Variants in CDH2 observed in about 807,000 individuals in gnomAD.
The protein encoded by CDH2 is cadherin-2.
Under a neutral mutation model 92.0 loss-of-function variants are expected in CDH2, and 17 were observed. That is an observed-to-expected ratio of 0.18 (90% confidence interval 0.13 to 0.28). The LOEUF (loss-of-function observed/expected upper bound fraction) is 0.28. Among genes scored for constraint, CDH2 ranks in the 10% least tolerant of loss-of-function variants. The probability of loss-of-function intolerance (pLI) is 1.00; values close to 1 mark genes in which losing one functional copy is unlikely to be tolerated. For missense variants in CDH2, 862 were observed against 1,133.1 expected (o/e 0.76, Z 3.44); for synonymous variants, 419 against 415.9 (o/e 1.01, Z -0.09).
intron 2 of CDH2, among the ~76,000 whole-genome samples, chr18:28,036,163 CTT>C (rs1403771128): frequency 1.3e-5 from 2 of 152,056 alleles, no homozygotes; most frequent in East Asian, 1.9e-4. Context: ...AAATGTATCT[CTT>C]GTTTTGAAAT....
At chr18:28,146,789 T>C (rs540784317) in intron 2 of CDH2, 2 of 152,148 alleles carry the variant, frequency 1.3e-5, no homozygotes, top group East Asian at 3.9e-4. Flanking sequence ...GTTACGCAGA[T>C]TTTCTAAAAG....
intron 14 of CDH2, among the ~76,000 whole-genome samples, chr18:27,968,565 A>G (rs1243847125): frequency 6.6e-6 from 1 of 152,186 alleles, no homozygotes; most frequent in Non-Finnish European, 1.5e-5. Flanking sequence ...TAGGTCAAAT[A>G]AGAGTCTGAC....
chr18:28,014,109 C>A (rs925507674), intron 2 of CDH2, among the ~76,000 whole-genome samples, 200 bp from the exon 3 acceptor site: 8 of 151,922 alleles, frequency 5.3e-5, no homozygotes, highest in African/African-American at 1.9e-4. Flanking sequence ...TGAGCTGTGC[C>A]CTAGCATTTC....
intron 2 of CDH2, among the ~76,000 whole-genome samples, chr18:28,118,343 C>T (rs2015530120): frequency 6.6e-6 from 1 of 152,078 alleles, no homozygotes; most frequent in Admixed American, 6.6e-5. Context: ...CAAAGTGCTC[C>T]ATCTTCTATT....
chr18:28,169,891 T>C lies in CDH2; in HGVS notation c.60+7072A>G, dbSNP rs2016438970. ...GTGGGTACACTAGAACTCTCATTCA[T>C]ATACTAAATGTTCTTCTGTATCTCC... On this transcript the variant is annotated intron_variant, in intron 1 of 15. Transcript: ENST00000269141. Among the ~76,000 whole-genome samples the C allele has an allele frequency of 2.6e-5, 4 of 152,252 alleles. No individual in the cohort carries two copies. In the South Asian group the frequency reaches 6.2e-4, roughly 24 times the overall value.
At chr18:28,039,378 T>G (rs746601031) in intron 2 of CDH2, among the ~76,000 whole-genome samples, 39 of 152,112 alleles carry the variant, frequency 2.6e-4, no homozygotes, top group Non-Finnish European at 4.7e-4. Flanking sequence ...CAGTCTTCTC[T>G]TGGACTTGGG....
chr18:27,946,422 G>T (rs918497667), downstream of CDH2, among the ~76,000 whole-genome samples: 4 of 152,048 alleles, frequency 2.6e-5, no homozygotes, highest in African/African-American at 4.8e-5. Context: ...ATTTTCTATT[G>T]ATACATTTTT....
intron 2 of CDH2, among the ~76,000 whole-genome samples, chr18:28,072,005 G>A (rs901736447): frequency 6.6e-6 from 1 of 152,104 alleles, no homozygotes; most frequent in African/African-American, 2.4e-5. Context: ...GACAGCTTAA[G>A]CCTAATTACT....
chr18:28,093,127 C>T (rs1248994282), intron 2 of CDH2, among the ~76,000 whole-genome samples: 3 of 151,944 alleles, frequency 2.0e-5, no homozygotes, highest in Non-Finnish European at 2.9e-5. Flanking sequence ...CATATTTTTG[C>T]TCAAAGAACA....
intron 6 of CDH2, among the ~76,000 whole-genome samples, chr18:27,941,121 T>C (rs1040368111): frequency 7.0e-4 from 105 of 150,378 alleles, no homozygotes; most frequent in African/African-American, 2.2e-3. Context: ...CTGCAAGCTC[T>C]GCCTCCCGGG....
At chr18:27,963,612 T>C (rs539686786) in intron 14 of CDH2, 91 bp from the exon 15 acceptor site, 40 of 1,101,594 alleles carry the variant, frequency 3.6e-5, no homozygotes, top group East Asian at 2.0e-4. Flanking sequence ...TCAGAACACA[T>C]AGAAATGAGG....
intron 2 of CDH2, among the ~76,000 whole-genome samples, chr18:28,116,900 G>C (rs1254135376): frequency 6.6e-6 from 1 of 152,052 alleles, no homozygotes; most frequent in Non-Finnish European, 1.5e-5. Context: ...GAAGGGAGAA[G>C]AATCAGTATT....
chr18:27,965,966 C>T (rs966056356), intron 14 of CDH2, among the ~76,000 whole-genome samples: 4 of 116,228 alleles, frequency 3.4e-5, no homozygotes, highest in Admixed American at 1.2e-4. Context: ...CCAGCCCGGG[C>T]GACAGAAAGA....
At chr18:28,173,127 T>C (rs1224626912) in intron 1 of CDH2, among the ~76,000 whole-genome samples, 1 of 152,128 alleles carries the variant, frequency 6.6e-6, no homozygotes, top group Admixed American at 6.5e-5. Context: ...ATCTAAAAAG[T>C]ATTTCCTTGT....
At chr18:28,088,019 T>C (rs1238491594) in intron 2 of CDH2, among the ~76,000 whole-genome samples, 1 of 152,140 alleles carries the variant, frequency 6.6e-6, no homozygotes, top group Non-Finnish European at 1.5e-5. Flanking sequence ...ATACACTTGA[T>C]TTGTCAAATG....
chr18:28,129,451 TG>T (rs1386790771), intron 2 of CDH2, among the ~76,000 whole-genome samples: 4 of 152,220 alleles, frequency 2.6e-5, no homozygotes, highest in Non-Finnish European at 5.9e-5. Context: ...TTTTCCTTAA[TG>T]AAAGCCCAGC....
intron 2 of CDH2, among the ~76,000 whole-genome samples, chr18:28,104,013 T>C (rs961721822): frequency 2.6e-5 from 4 of 152,178 alleles, no homozygotes; most frequent in African/African-American, 9.7e-5. Context: ...TCTGGCAAAG[T>C]CTGCCAGCTG....
At chr18:28,065,731 T>C (rs2144155713) in intron 2 of CDH2, among the ~76,000 whole-genome samples, 1 of 152,360 alleles carries the variant, frequency 6.6e-6, no homozygotes, top group East Asian at 1.9e-4. Context: ...ATTATCATCC[T>C]GTCTAATTCT....
chr18:28,037,201 T>G (rs1202197288), intron 2 of CDH2, among the ~76,000 whole-genome samples: 1 of 152,086 alleles, frequency 6.6e-6, no homozygotes, highest in Admixed American at 6.6e-5. Context: ...ATCTCATAAA[T>G]AAAGAAATGC....
Sources: gnomAD v4.1 joint callset for allele counts (sites outside exome capture counted in the v4.1 genomes callset) on GRCh38, gnomAD v4.1.1 for gene constraint, MANE v1.5 for transcripts, NCBI Gene and HGNC (gene_info 2026-07-23, HGNC 2026-07-21) for gene names.